Variants in ITPR2 observed in about 807,000 individuals in gnomAD.
ITPR2 encodes inositol 1,4,5-trisphosphate-gated calcium channel ITPR2.
A neutral mutation model predicts 317.1 loss-of-function variants in ITPR2; 207 were observed. That is an observed-to-expected ratio of 0.65 (90% CI 0.58 to 0.73). The LOEUF (loss-of-function observed/expected upper bound fraction) is 0.73. ITPR2 is among the 30% of genes least tolerant of loss of function. ITPR2 has a pLI of 0.00. For missense variants in ITPR2, 2,613 were observed against 3,284.0 expected (o/e 0.80, Z 4.99); for synonymous variants, 1,156 against 1,149.1 (o/e 1.01, Z -0.12).
intron 37 of ITPR2, among the ~76,000 whole-genome samples, chr12:26,536,566 G>A (rs570527913): frequency 3.3e-5 from 5 of 150,964 alleles, no homozygotes; most frequent in Non-Finnish European, 7.4e-5. Context: ...AGGAGTAAAT[G>A]TCAGAGCATT....
Position 26,336,586 on chromosome 12 carries a change from GTTATT to G in ITPR2, c.*2806_*2810del, listed in dbSNP as rs1463069062. 2 of 152,094 alleles carry G rather than the reference GTTATT, an allele frequency of 1.3e-5. No homozygotes were observed. The highest frequency in any genetic ancestry group is 2.9e-5 in the Non-Finnish European group (2 of 68,008). The allele number at this position is 152,094 out of a possible 1,614,324, so 9.4% of individuals were successfully genotyped here. Reference sequence around the variant, plus strand: ...TACAAGCATTTTCTCATCTAAAAGTGTTATTTTAACTCAGAAAACATACTGGCATT... The same window carrying G: ...TACAAGCATTTTCTCATCTAAAAGTGTTAACTCAGAAAACATACTGGCATT... On this transcript the variant is annotated 3_prime_UTR_variant, in exon 57 of 57. Coordinates refer to ENST00000381340, the MANE Select transcript of ITPR2 (RefSeq NM_002223.4).
chr12:26,369,842 A>AG (rs1939130151), intron 55 of ITPR2, among the ~76,000 whole-genome samples: 1 of 152,174 alleles, frequency 6.6e-6, no homozygotes, highest in Admixed American at 6.5e-5. Context: ...GGAGAGTACA[A>AG]GGGGGCTGAG....
intron 9 of ITPR2, among the ~76,000 whole-genome samples, chr12:26,705,639 T>C (rs530066272): frequency 6.6e-6 from 1 of 152,340 alleles, no homozygotes; most frequent in East Asian, 1.9e-4. Context: ...TAATCAAATT[T>C]GAATGGATTA....
intron 55 of ITPR2, among the ~76,000 whole-genome samples, chr12:26,362,703 G>T (rs536495130): frequency 7.9e-5 from 12 of 152,140 alleles, no homozygotes; most frequent in African/African-American, 2.9e-4. Context: ...CAAATCTGAC[G>T]TTCTTGGTCT....
At chr12:26,710,159 G>A (rs932225385) in intron 9 of ITPR2, among the ~76,000 whole-genome samples, 1 of 152,158 alleles carries the variant, frequency 6.6e-6, no homozygotes, top group Non-Finnish European at 1.5e-5. Flanking sequence ...GCTTGAACCT[G>A]GGAGGCATAG....
At chr12:26,446,757 C>T (rs966225162) in intron 45 of ITPR2, among the ~76,000 whole-genome samples, 1 of 149,388 alleles carries the variant, frequency 6.7e-6, no homozygotes, top group African/African-American at 2.5e-5. Flanking sequence ...AAACACCCAC[C>T]TAGGCCTCCC....
At chr12:26,552,825 G>A (rs555923845) in intron 36 of ITPR2, among the ~76,000 whole-genome samples, 2 of 151,840 alleles carry the variant, frequency 1.3e-5, no homozygotes, top group Non-Finnish European at 2.9e-5. Context: ...TTTGTTTTTC[G>A]CTCTCTCAGG....
intron 37 of ITPR2, among the ~76,000 whole-genome samples, chr12:26,503,053 A>G (rs1943107599): frequency 6.6e-6 from 1 of 152,086 alleles, no homozygotes; most frequent in Admixed American, 6.6e-5. Flanking sequence ...ACAGTAGTGC[A>G]GTCCTTGATC....
intron 37 of ITPR2, among the ~76,000 whole-genome samples, chr12:26,522,323 A>C (rs892212282): frequency 6.6e-6 from 1 of 152,240 alleles, no homozygotes; most frequent in African/African-American, 2.4e-5. Flanking sequence ...ACTATTAGAC[A>C]TGAAGTAGCC....
At chr12:26,498,182 T>A (rs1438463012) in intron 37 of ITPR2, among the ~76,000 whole-genome samples, 3 of 152,264 alleles carry the variant, frequency 2.0e-5, no homozygotes, top group African/African-American at 4.8e-5. Flanking sequence ...GACCTCTTCA[T>A]AATGGGGTGT....
Position 26,476,912 on chromosome 12 carries a change from C to T in ITPR2, c.6219G>A (p.Leu2073=). 2.5e-6 allele frequency: 4 copies of T among 1,605,586 alleles called. No homozygotes were observed. The highest frequency in any genetic ancestry group is 3.4e-6 in the Non-Finnish European group (4 of 1,172,928). ...ACCAAGCTTTTAAAAGTTTTCTTACCAGTTCTCTGGGTCTCATGTTAAAAA... is the reference window on the plus strand; with the variant it reads ...ACCAAGCTTTTAAAAGTTTTCTTACTAGTTCTCTGGGTCTCATGTTAAAAA... ...RILFNMRPRE[L]VDVMKNAYNQ... Residue 2073 remains leucine (L), a splice_region_variant and synonymous_variant, in exon 44 of 57, where the codon CTG becomes CTA. Transcript: ENST00000381340.
chr12:26,671,777 T>C (rs1461240329), intron 13 of ITPR2, among the ~76,000 whole-genome samples: 5 of 152,092 alleles, frequency 3.3e-5, no homozygotes, highest in African/African-American at 9.7e-5. Flanking sequence ...GAGTCAAGAC[T>C]CATCAGTGTG....
chr12:26,691,870 A>G (rs1948247268), intron 10 of ITPR2, among the ~76,000 whole-genome samples: 1 of 151,930 alleles, frequency 6.6e-6, no homozygotes, highest in Non-Finnish European at 1.5e-5. Flanking sequence ...TTTTGTTCAC[A>G]TCCTCCAGGG....
Position 26,469,573 on chromosome 12 carries a change from C to T in ITPR2, c.6342+5723G>A, listed in dbSNP as rs538040148. 3.1e-4 allele frequency among the ~76,000 whole-genome samples: 47 copies of T among 152,306 alleles called. No homozygotes were observed. The South Asian group carries it at 9.7e-3, about 32-fold the overall frequency. ...CACCAGGATCTATTCTTATTCACTG[C>T]GTAGCTTATATCACCATCTGGTATC... On this transcript the variant is annotated intron_variant, in intron 45 of 56. Transcript: ENST00000381340.
intron 45 of ITPR2, among the ~76,000 whole-genome samples, chr12:26,455,623 T>C (rs957954670): frequency 6.6e-6 from 1 of 152,066 alleles, no homozygotes; most frequent in African/African-American, 2.4e-5. Context: ...AGAAGTTAAA[T>C]AACCCAGGTT....
At chr12:26,422,366 T>C (rs1238602011) in intron 49 of ITPR2, among the ~76,000 whole-genome samples, 3 of 151,862 alleles carry the variant, frequency 2.0e-5, no homozygotes, top group African/African-American at 7.2e-5. Flanking sequence ...AAATAAGTTA[T>C]TTAAGAAAGT....
chr12:26,456,386 A>G (rs1023908734), intron 45 of ITPR2, among the ~76,000 whole-genome samples: 6 of 152,218 alleles, frequency 3.9e-5, no homozygotes, highest in African/African-American at 1.4e-4. Flanking sequence ...AACTTACCCT[A>G]TGTGGTCTAA....
In ITPR2 at chr12:26,622,355, A is replaced by G; in HGVS notation, c.3173T>C (p.Leu1058Ser). 6.2e-7 allele frequency: 1 copy of G among 1,613,262 alleles called. No individual in the cohort carries two copies. The highest frequency in any genetic ancestry group is 8.5e-7 in the Non-Finnish European group (1 of 1,179,714). ...CATGATCAGATGAATGAGGACCCGT[A>G]AAAACGTCCTGCCTCCTTCATCGTC... ...QLDDEGGRTFLRVLIHLIMHD... is the reference protein window; with the variant it reads ...QLDDEGGRTFSRVLIHLIMHD... The change falls in exon 25 of 57, where the codon TTA (leucine) becomes TCA (serine). Residue 1058 changes from leucine (L) to serine (S), a missense_variant. Physicochemically the swap from Leu to Ser is moderately radical, Grantham distance 145. This residue lies in a region of ITPR2 where 817 missense variants were observed against 897.6 expected (regional missense o/e 0.91). Transcript: ENST00000381340.
At chr12:26,663,317 A>G (rs1947544119) in intron 15 of ITPR2, among the ~76,000 whole-genome samples, 1 of 151,906 alleles carries the variant, frequency 6.6e-6, no homozygotes, top group Non-Finnish European at 1.5e-5. Flanking sequence ...TATCTTTTCC[A>G]CTAAACTATA....
Sources: gnomAD v4.1 joint callset for allele counts (sites outside exome capture counted in the v4.1 genomes callset) on GRCh38, gnomAD v4.1.1 for gene constraint, gnomAD v4.1.1 regional missense constraint, MANE v1.5 for transcripts, NCBI Gene and HGNC (gene_info 2026-07-23, HGNC 2026-07-21) for gene names.